TRPC4: variants seen among roughly 807,000 people sequenced by gnomAD.
The protein encoded by TRPC4 is transient receptor potential cation channel subfamily C member 4, also known as short transient receptor potential channel 4.
Under a neutral mutation model 99.4 loss-of-function variants are expected in TRPC4, and 49 were observed. That is an observed-to-expected ratio of 0.49 (90% confidence interval 0.39 to 0.63). TRPC4 has a LOEUF of 0.63. TRPC4 is among the 20% of genes least tolerant of loss of function. The pLI, the probability that TRPC4 is intolerant of heterozygous loss-of-function variation, is 0.00. For synonymous variants in TRPC4, 454 were observed against 425.9 expected (o/e 1.07, Z -0.81); for missense variants, 898 against 1,152.9 (o/e 0.78, Z 3.20).
At chr13:37,823,249 T>C (rs2139546955) in intron 1 of TRPC4, among the ~76,000 whole-genome samples, 1 of 150,150 alleles carries the variant, frequency 6.7e-6, no homozygotes, top group East Asian at 2.0e-4. Context: ...GTAGTTTCTT[T>C]TGCTGTGCAG....
intron 3 of TRPC4, among the ~76,000 whole-genome samples, chr13:37,694,649 T>C (rs941468492): frequency 6.6e-6 from 1 of 152,252 alleles, no homozygotes; most frequent in Non-Finnish European, 1.5e-5. Flanking sequence ...TTCTTAAAAG[T>C]ACTTTTTCTT....
At chr13:37,791,258 T>C (rs1957110298) in intron 1 of TRPC4, among the ~76,000 whole-genome samples, 1 of 151,838 alleles carries the variant, frequency 6.6e-6, no homozygotes, top group Non-Finnish European at 1.5e-5. Flanking sequence ...TAGCCGGGCA[T>C]AGTGGCATGC....
rs139152210 is a variant in TRPC4 at position 37,650,878 on chromosome 13, C to T, written c.2079+387G>A. On this transcript the variant is annotated intron_variant, in intron 8 of 10. Coordinates refer to ENST00000379705, the MANE Select transcript of TRPC4 (RefSeq NM_016179.4). Reference sequence around the variant, plus strand: ...AAGCACGTGCCCTTCCCTCATGGAGCATACGATCCAGAGGGGGAAACAGAC... The same window carrying T: ...AAGCACGTGCCCTTCCCTCATGGAGTATACGATCCAGAGGGGGAAACAGAC... 2.0e-3 allele frequency among the ~76,000 whole-genome samples: 301 copies of T among 152,244 alleles called. 1 individual carries two copies. Among genetic ancestry groups the T allele is most frequent in the African/African-American group, 6.9e-3 (286 of 41,536 alleles).
chr13:37,734,441 G>A (rs1308255256), intron 3 of TRPC4, among the ~76,000 whole-genome samples: 5 of 152,126 alleles, frequency 3.3e-5, no homozygotes, highest in African/African-American at 1.2e-4. Flanking sequence ...TGCGTTTAGA[G>A]ACAGAGAGAA....
At chr13:37,828,805 G>A (rs1380353543) in intron 1 of TRPC4, among the ~76,000 whole-genome samples, 4 of 152,100 alleles carry the variant, frequency 2.6e-5, no homozygotes, top group Non-Finnish European at 5.9e-5. Flanking sequence ...AAACAAAGAA[G>A]GGAAAAACAG....
At chr13:37,664,622 GA>G (rs1411713024) in intron 5 of TRPC4, among the ~76,000 whole-genome samples, 2 of 152,030 alleles carry the variant, frequency 1.3e-5, no homozygotes, top group African/African-American at 4.8e-5. Context: ...ATTGCAGTAT[GA>G]AAATCTGTAA....
At chr13:37,825,274 C>G (rs1450369826) in intron 1 of TRPC4, among the ~76,000 whole-genome samples, 6 of 151,464 alleles carry the variant, frequency 4.0e-5, no homozygotes, top group African/African-American at 1.2e-4. Context: ...CTATTTCCTT[C>G]AGGTCTGCTC....
intron 7 of TRPC4, among the ~76,000 whole-genome samples, chr13:37,652,729 G>GTTGAAGAGAATTGTAC (rs1566069888): frequency 5.4e-4 from 1 of 1,854 alleles, no homozygotes. Context: ...GGACTCAGCA[G>GTTGAAGAGAATTGTAC]ATTTGGCTCA....
chr13:37,783,989 T>A (rs1487454585), intron 1 of TRPC4, among the ~76,000 whole-genome samples: 1 of 152,046 alleles, frequency 6.6e-6, no homozygotes, highest in Non-Finnish European at 1.5e-5. Flanking sequence ...ATTACAGGCA[T>A]GAGCCACTGT....
rs1951495619 is a variant in TRPC4 at position 37,635,699 on chromosome 13, A to C, written c.*1204T>G. On this transcript the variant is annotated 3_prime_UTR_variant, in exon 11 of 11. Coordinates refer to ENST00000379705, the MANE Select transcript of TRPC4 (RefSeq NM_016179.4). ...TGTAAAATTTAAGCTTTAAGTTTCT[A>C]GTATCAATTTTATGTAAGTTGCGAA... 6.6e-6 allele frequency among the ~76,000 whole-genome samples: 1 copy of C among 152,152 alleles called. No homozygotes were observed. Among genetic ancestry groups the C allele is most frequent in the African/African-American group, 2.4e-5 (1 of 41,456 alleles).
At chr13:37,766,529 T>C (rs1390364040) in intron 2 of TRPC4, among the ~76,000 whole-genome samples, 4 of 151,536 alleles carry the variant, frequency 2.6e-5, no homozygotes, top group Non-Finnish European at 5.9e-5. Flanking sequence ...AATACATGGA[T>C]AATATATCCT....
chr13:37,652,129 T>C (rs1459439673), intron 7 of TRPC4, among the ~76,000 whole-genome samples: 5 of 152,246 alleles, frequency 3.3e-5, no homozygotes, highest in African/African-American at 9.6e-5. Context: ...CACTCCACTT[T>C]ATTAACCTCC....
chr13:37,790,494 A>G (rs1480489057), intron 1 of TRPC4, among the ~76,000 whole-genome samples: 2 of 152,194 alleles, frequency 1.3e-5, no homozygotes, highest in Non-Finnish European at 2.9e-5. Context: ...CACTATTTGC[A>G]TATAAATAAT....
At chr13:37,780,728 G>A (rs1956816517) in intron 2 of TRPC4, among the ~76,000 whole-genome samples, 1 of 151,052 alleles carries the variant, frequency 6.6e-6, no homozygotes, top group Non-Finnish European at 1.5e-5. Flanking sequence ...TGTGTGCTAT[G>A]CACGTTTCAT....
chr13:37,638,208 T>C (rs1195047159), intron 10 of TRPC4, among the ~76,000 whole-genome samples: 1 of 148,802 alleles, frequency 6.7e-6, no homozygotes, highest in Non-Finnish European at 1.5e-5. Context: ...GAATTCTCAC[T>C]CTTACCCTGA....
At chr13:37,785,472 C>CT (rs1956944958) in intron 1 of TRPC4, among the ~76,000 whole-genome samples, 2 of 151,972 alleles carry the variant, frequency 1.3e-5, no homozygotes, top group Admixed American at 1.3e-4. Context: ...ATCCATGATT[C>CT]TTGGAAAAAT....
At chr13:37,637,896 G>A (rs750294393) in intron 10 of TRPC4, among the ~76,000 whole-genome samples, 1 of 152,098 alleles carries the variant, frequency 6.6e-6, no homozygotes, top group African/African-American at 2.4e-5. Flanking sequence ...ACGTGCAGCT[G>A]AGTATATTGG....
At chr13:37,673,829 T>G (rs1162067005) in intron 5 of TRPC4, among the ~76,000 whole-genome samples, 1 of 152,178 alleles carries the variant, frequency 6.6e-6, no homozygotes, top group Non-Finnish European at 1.5e-5. Context: ...AAGAGTAATA[T>G]TTTGATCTGT....
intron 3 of TRPC4, among the ~76,000 whole-genome samples, chr13:37,703,518 C>A (rs1011147723): frequency 6.6e-6 from 1 of 151,850 alleles, no homozygotes; most frequent in Admixed American, 6.6e-5. Flanking sequence ...AAAATGGGGA[C>A]TAAAATTTGA....
Sources: allele counts gnomAD v4.1 joint callset (sites outside exome capture counted in the v4.1 genomes callset), GRCh38; gene constraint gnomAD v4.1.1; transcripts MANE v1.5; gene names NCBI Gene and HGNC (gene_info 2026-07-23, HGNC 2026-07-21).